MITF: variants seen among roughly 807,000 people sequenced by gnomAD.
MITF encodes microphthalmia-associated transcription factor.
Under a neutral mutation model 60.5 loss-of-function variants are expected in MITF, and 17 were observed. The observed-to-expected ratio is 0.28, with a 90% confidence interval of 0.19 to 0.42. The LOEUF (loss-of-function observed/expected upper bound fraction) is 0.42, where lower values mean the gene tolerates loss of function less well. Among genes scored for constraint, MITF ranks in the 10% least tolerant of loss-of-function variants. The pLI is 1.00. For missense variants in MITF, 622 were observed against 683.5 expected, an observed-to-expected ratio of 0.91 and a Z score of 1.00; for synonymous variants, 260 against 248.5, an observed-to-expected ratio of 1.05 and a Z score of -0.43.
intron 2 of MITF, among the ~76,000 whole-genome samples, chr3:69,930,891 T>G (rs1396050343): frequency 5.3e-5 from 8 of 152,250 alleles, no homozygotes; most frequent in Non-Finnish European, 1.2e-4. Context: ...AGAGGACAAT[T>G]GAGTATACTC....
At chr3:69,840,424 T>C (rs1008553034) in intron 1 of MITF, among the ~76,000 whole-genome samples, 1 of 152,080 alleles carries the variant, frequency 6.6e-6, no homozygotes, top group African/African-American at 2.4e-5. Context: ...ATCCAGACAT[T>C]GTTAGAATAA....
intron 2 of MITF, among the ~76,000 whole-genome samples, chr3:69,897,268 G>A (rs1465168821): frequency 6.6e-6 from 1 of 152,120 alleles, no homozygotes; most frequent in Non-Finnish European, 1.5e-5. Context: ...GTGGGGAGGC[G>A]ATCAAAATGA....
chr3:69,862,263 G>C (rs991888961), intron 1 of MITF, among the ~76,000 whole-genome samples: 1 of 152,118 alleles, frequency 6.6e-6, no homozygotes, highest in Admixed American at 6.5e-5. Flanking sequence ...TAAGGAGAAG[G>C]CTCCTCAAGT....
chr3:69,953,106 C>G (rs2066297401), intron 7 of MITF, among the ~76,000 whole-genome samples: 2 of 152,232 alleles, frequency 1.3e-5, no homozygotes, highest in African/African-American at 4.8e-5. Context: ...AAAAGCTACA[C>G]CCCTCCCCAG....
chr3:69,772,415 C>T (rs965739538), intron 1 of MITF, among the ~76,000 whole-genome samples: 6 of 152,296 alleles, frequency 3.9e-5, no homozygotes, highest in African/African-American at 1.2e-4. Flanking sequence ...AGTCTAGTCT[C>T]TTTTTTGGGA....
chr3:69,889,271 G>A (rs1575891654), intron 2 of MITF, among the ~76,000 whole-genome samples: 1 of 151,630 alleles, frequency 6.6e-6, no homozygotes, highest in Non-Finnish European at 1.5e-5. Context: ...GAAAATCTAC[G>A]ATTAGGCTGT....
chr3:69,943,554 TATTA>T (rs1432490035), intron 5 of MITF, among the ~76,000 whole-genome samples: 10 of 152,134 alleles, frequency 6.6e-5, no homozygotes, highest in Admixed American at 4.6e-4. Context: ...AAGTATAACT[TATTA>T]ATTATAATAT....
chr3:69,937,057 T>C (rs978316028), intron 2 of MITF: 1 of 279,530 alleles, frequency 3.6e-6, no homozygotes, highest in Non-Finnish European at 6.7e-6. Flanking sequence ...GACTTAAAAT[T>C]GAATAATGTT....
intron 1 of MITF, among the ~76,000 whole-genome samples, chr3:69,753,290 G>A (rs1704003248): frequency 6.6e-6 from 1 of 152,236 alleles, no homozygotes; most frequent in South Asian, 2.1e-4. Context: ...TGCAAGAGCT[G>A]GGGCTTGGGA....
intron 1 of MITF, among the ~76,000 whole-genome samples, chr3:69,824,868 G>T (rs983004353): frequency 3.3e-5 from 5 of 152,182 alleles, no homozygotes; most frequent in African/African-American, 1.2e-4. Flanking sequence ...ATGGATTCCA[G>T]TAAGCTCCAC....
intron 1 of MITF, among the ~76,000 whole-genome samples, chr3:69,816,803 A>G (rs577890091): frequency 2.4e-4 from 37 of 152,308 alleles, no homozygotes; most frequent in African/African-American, 8.2e-4. Flanking sequence ...ATTGATGATG[A>G]TGATGATGTT....
At chr3:69,900,119 A>T (rs1413073073) in intron 2 of MITF, among the ~76,000 whole-genome samples, 3 of 152,030 alleles carry the variant, frequency 2.0e-5, no homozygotes, top group Non-Finnish European at 4.4e-5. Context: ...AGGGGTGGGG[A>T]AATAATAGAT....
chr3:69,936,283 C>A (rs1304019769), intron 2 of MITF, among the ~76,000 whole-genome samples: 1 of 152,174 alleles, frequency 6.6e-6, no homozygotes, highest in Non-Finnish European at 1.5e-5. Flanking sequence ...TCCAAAGGGG[C>A]ATTCTGCTAT....
At chr3:69,902,999 A>T (rs11918328) in intron 2 of MITF, among the ~76,000 whole-genome samples, 2 of 152,158 alleles carry the variant, frequency 1.3e-5, no homozygotes, top group African/African-American at 2.4e-5. Context: ...TATTATTTCA[A>T]TGTTGTTTGT....
intron 1 of MITF, among the ~76,000 whole-genome samples, chr3:69,819,349 A>G (rs1342440878): frequency 6.6e-6 from 1 of 152,192 alleles, no homozygotes; most frequent in Non-Finnish European, 1.5e-5. Context: ...ACCTGGGAAA[A>G]ATGAAGTTCA....
chr3:69,747,366 C>T (rs978985681), intron 1 of MITF, among the ~76,000 whole-genome samples: 2 of 152,232 alleles, frequency 1.3e-5, no homozygotes, highest in African/African-American at 4.8e-5. Context: ...AAGTGATTTT[C>T]AGGCAAGACT....
At chr3:69,875,717 A>G (rs1323618078) in intron 1 of MITF, among the ~76,000 whole-genome samples, 4 of 152,268 alleles carry the variant, frequency 2.6e-5, no homozygotes, top group Admixed American at 6.5e-5. Context: ...TTAAGACATT[A>G]TGCTCATTTG....
chr3:69,931,553 T>G (rs1340563684), intron 2 of MITF, among the ~76,000 whole-genome samples: 1 of 152,214 alleles, frequency 6.6e-6, no homozygotes, highest in Admixed American at 6.5e-5. Context: ...TCTAGTCTAT[T>G]CTGTTTTAAC....
chr3:69,802,689 T>A (rs1228549833), intron 1 of MITF, among the ~76,000 whole-genome samples: 2 of 145,486 alleles, frequency 1.4e-5, no homozygotes. Flanking sequence ...TATTCTTTTT[T>A]TTTTTTTTTT....
Sources: allele counts gnomAD v4.1 joint callset (sites outside exome capture counted in the v4.1 genomes callset), GRCh38; gene constraint gnomAD v4.1.1; transcripts MANE v1.5; gene names NCBI Gene and HGNC (gene_info 2026-07-23, HGNC 2026-07-21).